Variants in CCDC81 observed in about 807,000 individuals in gnomAD.
CCDC81 encodes coiled-coil domain containing 81, also known as coiled-coil domain-containing protein 81.
A neutral mutation model predicts 83.7 loss-of-function variants in CCDC81; 79 were observed. That is an observed-to-expected ratio of 0.94 (90% CI 0.79 to 1.14). The LOEUF (loss-of-function observed/expected upper bound fraction) is 1.14, where lower values mean the gene tolerates loss of function less well. CCDC81 is among the 50% of genes most tolerant of loss of function. The pLI is 0.00. For synonymous variants in CCDC81, 252 were observed against 278.1 expected, an observed-to-expected ratio of 0.91 and a Z score of 0.93; for missense variants, 791 against 778.1, an observed-to-expected ratio of 1.02 and a Z score of -0.20.
chr11:86,419,090 G>A (rs894549619), intron 13 of CCDC81: 2 of 152,188 alleles, frequency 1.3e-5, no homozygotes, highest in Non-Finnish European at 2.9e-5. Context: ...GACATTAACT[G>A]ATTTTTATTG....
In CCDC81 at chr11:86,422,920, G is replaced by T. The variant is rs1471642859; in HGVS notation, c.*205G>T. On this transcript the variant is annotated 3_prime_UTR_variant, in exon 15 of 15. Transcript: ENST00000445632. Reference sequence around the variant, plus strand: ...ATTATTTCCTATACTAGTTTCTGATGGCAGTGAAGGTGTCTGAATGGTCCT... The same window carrying T: ...ATTATTTCCTATACTAGTTTCTGATTGCAGTGAAGGTGTCTGAATGGTCCT... 1 of 559,544 alleles carries T rather than the reference G, an allele frequency of 1.8e-6. No homozygotes were observed. Among genetic ancestry groups the T allele is most frequent in the Non-Finnish European group, 3.1e-6 (1 of 318,608 alleles). 34.7% of individuals were successfully genotyped at this position (559,544 alleles called of 1,614,324 possible). A position where few individuals can be genotyped will look rare whatever the true frequency, so the allele number is the denominator to read the frequency against.
intron 4 of CCDC81, 85 bp from the exon 5 acceptor site, chr11:86,395,249 C>A: frequency 2.0e-6 from 2 of 975,636 alleles, no homozygotes; most frequent in Non-Finnish European, 1.6e-6. Flanking sequence ...ATCGTGGTAG[C>A]CTTGCCTATG....
intron 4 of CCDC81, among the ~76,000 whole-genome samples, chr11:86,393,237 A>G (rs143154230): frequency 6.6e-6 from 1 of 152,052 alleles, no homozygotes; most frequent in East Asian, 1.9e-4. Context: ...TAATTTTTGT[A>G]TTTTTAGTAG....
chr11:86,375,316 C>A, intron 1 of CCDC81, 74 bp downstream of exon 1: 2 of 1,336,634 alleles, frequency 1.5e-6, no homozygotes, highest in South Asian at 1.2e-5. Context: ...GCGGGGGGAC[C>A]CACTTCCCAA....
At chr11:86,378,136 TTGTC>T (rs917790604) in intron 1 of CCDC81, among the ~76,000 whole-genome samples, 4 of 152,110 alleles carry the variant, frequency 2.6e-5, no homozygotes, top group African/African-American at 9.7e-5. Context: ...TTTAATCTAT[TTGTC>T]TGTTCTTTTG....
In CCDC81 at chr11:86,422,587, C is replaced by T. The variant is rs369498043; in HGVS notation, c.1831C>T (p.Leu611=). ...TCCTCTCCTCAGGGCTTCAGACAAG[C>T]TGTTTCTCCTAGACCAGTGTGAGAA... ...DKAFERASDK[L]FLLDQCEKYR... is the part of the protein sequence containing the mutation. Residue 611 remains leucine, a synonymous_variant, in exon 15 of 15, where the codon CTG becomes TTG. Transcript: ENST00000445632. The T allele has an allele frequency of 6.2e-7, 1 of 1,613,656 alleles. No individual in the cohort carries two copies. The highest frequency in any genetic ancestry group is 8.5e-7 in the Non-Finnish European group (1 of 1,179,754).
rs758286050 is a variant in CCDC81 at position 86,397,727 on chromosome 11, G to T, written c.742G>T (p.Glu248Ter). 3.7e-6 allele frequency: 6 copies of T among 1,613,366 alleles called. No homozygotes were observed. The highest frequency in any genetic ancestry group is 4.2e-6 in the Non-Finnish European group (5 of 1,179,754). ...KCKLKDQSDKEEGTRDISSPK... is the reference protein window; with the variant it reads ...KCKLKDQSDK ...CAAGTTAAAAGACCAGTCAGACAAA[G>T]AAGAAGGCACCAGAGGTAGGCCAAT... The change falls in exon 6 of 15, where the codon GAA (glutamate) becomes TAA (stop). Residue 248 changes from glutamate to a stop codon, truncating the protein, a stop_gained. Coordinates refer to ENST00000445632, the MANE Select transcript of CCDC81 (RefSeq NM_001156474.2). LOFTEE classifies it high-confidence loss of function.
chr11:86,403,669 G>A lies in CCDC81; in HGVS notation c.881+2868G>A, dbSNP rs1948524563. The stretch of plus-strand genomic sequence containing the variant: ...GCCTTAAGAGCATATCAAAGGCTGA[G>A]AGTGAGGTAATATGGGTGGGACTCT... On this transcript the variant is annotated intron_variant, in intron 7 of 14. Coordinates refer to ENST00000445632, the MANE Select transcript of CCDC81 (RefSeq NM_001156474.2). Among the ~76,000 whole-genome samples, 3 of 152,158 alleles carry A rather than the reference G, an allele frequency of 2.0e-5. No homozygotes were observed. In the South Asian group the frequency reaches 6.2e-4, roughly 32 times the overall value.
intron 11 of CCDC81, among the ~76,000 whole-genome samples, 186 bp downstream of exon 11, chr11:86,412,745 G>A (rs780943168): frequency 6.6e-6 from 1 of 152,238 alleles, no homozygotes; most frequent in South Asian, 2.1e-4. Flanking sequence ...AGGGCATGCA[G>A]TGGGGGTGTG....
In CCDC81 at chr11:86,374,999, A is replaced by G; in HGVS notation, c.-165A>G. Reference sequence around the variant, plus strand: ...GTTTAAGTTTATTTAAGAAAGAAGAAAAAGAGTCAAGAAGTTCAAGATTTT... The same window carrying G: ...GTTTAAGTTTATTTAAGAAAGAAGAGAAAGAGTCAAGAAGTTCAAGATTTT... On this transcript the variant is annotated 5_prime_UTR_variant, in exon 1 of 15. Transcript: ENST00000445632. 1.4e-6 allele frequency: 1 copy of G among 712,486 alleles called. No individual in the cohort carries two copies. The highest frequency in any genetic ancestry group is 2.5e-6 in the Non-Finnish European group (1 of 394,638). 44.1% of individuals were successfully genotyped at this position (712,486 alleles called of 1,614,324 possible). A position where few individuals can be genotyped will look rare whatever the true frequency, so the allele number is the denominator to read the frequency against.
chr11:86,400,486 T>C (rs1287783834), intron 6 of CCDC81, among the ~76,000 whole-genome samples, 192 bp from the exon 7 acceptor site: 3 of 152,258 alleles, frequency 2.0e-5, no homozygotes, highest in Non-Finnish European at 2.9e-5. Context: ...TTTTGTCCTC[T>C]AAATGCTTAG....
intron 1 of CCDC81, among the ~76,000 whole-genome samples, chr11:86,383,360 CAT>C (rs1380671764): frequency 1.3e-5 from 2 of 152,130 alleles, no homozygotes; most frequent in Non-Finnish European, 2.9e-5. Flanking sequence ...CATCAGGAAA[CAT>C]ATCTGTTTTT....
intron 3 of CCDC81, 129 bp downstream of exon 3, chr11:86,387,801 C>G: frequency 1.5e-6 from 1 of 684,640 alleles, no homozygotes; most frequent in South Asian, 2.3e-5. Context: ...TCACAAGGTG[C>G]TTTTGGCAGA....
chr11:86,384,734 A>G (rs1948219402), intron 1 of CCDC81, among the ~76,000 whole-genome samples: 1 of 152,152 alleles, frequency 6.6e-6, no homozygotes, highest in African/African-American at 2.4e-5. Flanking sequence ...TGTTAATGTC[A>G]CTGTTCTTGA....
chr11:86,407,664 C>T lies in CCDC81; in HGVS notation c.932C>T (p.Thr311Ile). Reference sequence around the variant, plus strand: ...CACGACAGTGAGATGAAGCCCCAAACATCTCCAGCTTGCCAGGATCATAAC... The same window carrying T: ...CACGACAGTGAGATGAAGCCCCAAATATCTCCAGCTTGCCAGGATCATAAC... The part of the protein sequence containing the change: ...LKHDSEMKPQ[T>I]SPACQDHNKA... The change falls in exon 8 of 15, where the codon ACA becomes ATA. Residue 311 changes from threonine to isoleucine, a missense_variant. Physicochemically the swap from Thr to Ile is moderately conservative, Grantham distance 89. Coordinates refer to ENST00000445632, the MANE Select transcript of CCDC81 (RefSeq NM_001156474.2). 8 of 1,613,764 alleles carry T rather than the reference C, an allele frequency of 5.0e-6. No homozygotes were observed. The highest frequency in any genetic ancestry group is 2.7e-5 in the African/African-American group (2 of 75,016).
chr11:86,416,604 G>C (rs925330690), intron 13 of CCDC81, among the ~76,000 whole-genome samples: 1 of 152,162 alleles, frequency 6.6e-6, no homozygotes, highest in African/African-American at 2.4e-5. Flanking sequence ...AACCTTACTG[G>C]GAGAATTAGA....
Position 86,415,133 on chromosome 11 carries a change from A to G in CCDC81, c.1511A>G (p.Asp504Gly). Residue 504 changes from aspartate to glycine, a missense_variant, in exon 13 of 15, where the codon GAC becomes GGC. By Grantham distance (94) the Asp-to-Gly change is moderately conservative (BLOSUM62 -1). Coordinates refer to ENST00000445632, the MANE Select transcript of CCDC81 (RefSeq NM_001156474.2). ...KPSRLPPFEP[D>G]SSEPIFGKNE... Reference sequence around the variant, plus strand: ...TCTCGGCTGCCCCCCTTTGAGCCAGACTCCTCTGAGCCCATCTTTGGTAAG... The same window carrying G: ...TCTCGGCTGCCCCCCTTTGAGCCAGGCTCCTCTGAGCCCATCTTTGGTAAG... 3 of 1,614,078 alleles carry G rather than the reference A, an allele frequency of 1.9e-6. No homozygotes were observed. Among genetic ancestry groups the G allele is most frequent in the Non-Finnish European group, 2.5e-6 (3 of 1,180,014 alleles).
chr11:86,414,653 C>A, intron 11 of CCDC81, 136 bp from the exon 12 acceptor site: 1 of 609,524 alleles, frequency 1.6e-6, no homozygotes, highest in Non-Finnish European at 2.9e-6. Flanking sequence ...TGAAAGCTAC[C>A]AGAATAAAAC....
chr11:86,377,528 A>AT (rs1948114263), intron 1 of CCDC81, among the ~76,000 whole-genome samples: 1 of 151,930 alleles, frequency 6.6e-6, no homozygotes, highest in Non-Finnish European at 1.5e-5. Flanking sequence ...TCATTGTTTT[A>AT]TTTTGCATTT....
Sources: allele counts gnomAD v4.1 joint callset (sites outside exome capture counted in the v4.1 genomes callset), GRCh38; gene constraint gnomAD v4.1.1; transcripts MANE v1.5; gene names NCBI Gene and HGNC (gene_info 2026-07-23, HGNC 2026-07-21).